CNOT4: variants seen among roughly 807,000 people sequenced by gnomAD.
CNOT4 encodes CCR4-associated factor 4.
In CNOT4, 8 loss-of-function variants were observed where a neutral mutation model predicts 73.8. The ratio of observed to expected loss-of-function variants is 0.11; its 90% CI spans 0.06 to 0.20. CNOT4 has a LOEUF of 0.20. Among genes scored for constraint, CNOT4 ranks in the 10% least tolerant of loss-of-function variants. The pLI is 1.00. For synonymous variants in CNOT4, 293 were observed against 321.1 expected (o/e 0.91, Z 0.94); for missense variants, 564 against 883.4 (o/e 0.64, Z 4.58).
chr7:135,474,276 ATTT>A lies in CNOT4; in HGVS notation c.-93+35610_-93+35612del, dbSNP rs869203152. ...TACAGGCATGAGCCACTGTGCCCAA[ATTT>A]TTTTTTTTTTTTTTTTTTTTTTTGA... On this transcript the variant is annotated intron_variant, in intron 1 of 11. Transcript: ENST00000541284. 1.0e-4 allele frequency among the ~76,000 whole-genome samples: 9 copies of A among 87,998 alleles called. No individual in the cohort carries two copies. In the East Asian group the frequency reaches 1.7e-3, roughly 17 times the overall value. 57.7% of individuals were successfully genotyped at this position (87,998 alleles called of 152,430 possible). A position where few individuals can be genotyped will look rare whatever the true frequency, so the allele number is the denominator to read the frequency against.
At chr7:135,485,700 A>G (rs2696888) in intron 1 of CNOT4, among the ~76,000 whole-genome samples, 95,405 of 152,098 alleles carry the variant, frequency 0.63, 30,150 homozygotes, top group East Asian at 0.76. Flanking sequence ...CCATGGATGG[A>G]GAAGGGAAGG....
intron 1 of CNOT4, among the ~76,000 whole-genome samples, chr7:135,486,596 T>C (rs1318161336): frequency 1.3e-5 from 2 of 152,260 alleles, no homozygotes; most frequent in Non-Finnish European, 2.9e-5. Context: ...TATGAAAACA[T>C]GTACACAAAT....
rs772372598 is a variant in CNOT4, at chr7:135,394,218, T to C, written c.1327A>G (p.Thr443Ala). 1.2e-6 allele frequency: 2 copies of C among 1,614,092 alleles called. No individual in the cohort carries two copies. Among genetic ancestry groups the C allele is most frequent in the South Asian group, 2.2e-5 (2 of 91,082 alleles). ...PTSLQNSSSH[T>A]TTAKGPGSGF... ...GAGCCTGGACCTTTGGCGGTTGTAG[T>C]GTGTGAAGAGGAGTTCTGAAGAGAT... The change falls in exon 10 of 12, where the codon ACT becomes GCT. Residue 443 changes from threonine (T) to alanine (A), a missense_variant. Thr to Ala is a moderately conservative substitution (Grantham distance 58, BLOSUM62 0). This residue lies in a region of CNOT4 where 153 missense variants were observed against 158.7 expected (regional missense o/e 0.96). Coordinates refer to ENST00000541284, the MANE Select transcript of CNOT4 (RefSeq NM_001190850.2).
intron 10 of CNOT4, chr7:135,386,568 C>T (rs59305849): frequency 1.6e-4 from 25 of 152,170 alleles, no homozygotes; most frequent in African/African-American, 5.3e-4. Flanking sequence ...GATTTTAAAG[C>T]TTCAGGTTTT....
chr7:135,439,933 C>A (rs938275641), intron 1 of CNOT4, among the ~76,000 whole-genome samples: 1 of 149,766 alleles, frequency 6.7e-6, no homozygotes, highest in Non-Finnish European at 1.5e-5. Context: ...TCTAATACTG[C>A]AATTTTAAAA....
At chr7:135,392,301 T>G (rs1311198327) in intron 10 of CNOT4, among the ~76,000 whole-genome samples, 2 of 152,144 alleles carry the variant, frequency 1.3e-5, no homozygotes, top group Non-Finnish European at 2.9e-5. Context: ...TATCTTAAAC[T>G]TCTTTAATAT....
chr7:135,453,826 T>TTATTTA (rs1554438703), intron 1 of CNOT4, among the ~76,000 whole-genome samples: 1 of 89,902 alleles, frequency 1.1e-5, no homozygotes, highest in Non-Finnish European at 2.3e-5. Context: ...TATATATATT[T>TTATTTA]TATATATATA....
At chr7:135,500,979 A>C (rs1803922265) in intron 1 of CNOT4, among the ~76,000 whole-genome samples, 1 of 147,912 alleles carries the variant, frequency 6.8e-6, no homozygotes, top group Admixed American at 6.7e-5. Context: ...ATTTTCTACT[A>C]AACCTTTTTT....
chr7:135,464,024 C>CAAAAAAAAAAAAAAA (rs747402254), intron 1 of CNOT4, among the ~76,000 whole-genome samples: 2 of 109,636 alleles, frequency 1.8e-5, no homozygotes, highest in South Asian at 3.1e-4. Flanking sequence ...ATTAAAAAGT[C>CAAAAAAAAAAAAAAA]AAAAAAAAAA....
rs369097634 is a variant in CNOT4 at position 135,413,432 on chromosome 7, TA to T, written c.687+55del. ...TTTTTGCTTTTGCAATGTTAACTAA[TA>T]AAAAAAAAAGTACTCCCTTTTCTGC... On this transcript the variant is annotated intron_variant, in intron 6 of 11. Transcript: ENST00000541284. 4.5e-3 allele frequency: 6,095 copies of T among 1,344,038 alleles called. 1 individual carries two copies. Among genetic ancestry groups the T allele is most frequent in the East Asian group, 8.7e-3 (327 of 37,576 alleles). 83.3% of individuals were successfully genotyped at this position (1,344,038 alleles called of 1,614,324 possible).
At chr7:135,469,318 T>A (rs1801426221) in intron 1 of CNOT4, among the ~76,000 whole-genome samples, 1 of 152,190 alleles carries the variant, frequency 6.6e-6, no homozygotes, top group Non-Finnish European at 1.5e-5. Flanking sequence ...ATATTTAGTA[T>A]TTAAATATTT....
chr7:135,421,329 T>C (rs1798182254), intron 3 of CNOT4, among the ~76,000 whole-genome samples: 1 of 152,180 alleles, frequency 6.6e-6, no homozygotes, highest in Admixed American at 6.5e-5. Flanking sequence ...TGCCAAGTAT[T>C]ACTTTAAATT....
intron 1 of CNOT4, among the ~76,000 whole-genome samples, chr7:135,505,602 A>T (rs1804318352): frequency 6.6e-6 from 1 of 152,206 alleles, no homozygotes; most frequent in Admixed American, 6.5e-5. Context: ...ACCTGTTAAG[A>T]TGAAAAATAA....
intron 2 of CNOT4, among the ~76,000 whole-genome samples, chr7:135,430,782 G>C (rs1399847101): frequency 1.3e-5 from 2 of 152,040 alleles, no homozygotes; most frequent in Admixed American, 6.6e-5. Context: ...AGCAAATTAG[G>C]AATAAAGGAA....
intron 7 of CNOT4, among the ~76,000 whole-genome samples, chr7:135,406,837 G>A (rs1797316348): frequency 6.6e-6 from 1 of 151,856 alleles, no homozygotes; most frequent in Non-Finnish European, 1.5e-5. Flanking sequence ...TGGACTACCT[G>A]ACTATACTTT....
intron 3 of CNOT4, among the ~76,000 whole-genome samples, chr7:135,419,184 C>A (rs1281016546): frequency 2.6e-5 from 4 of 152,062 alleles, no homozygotes; most frequent in Non-Finnish European, 4.4e-5. Context: ...ATTTGACAAT[C>A]AATCTTGGTA....
chr7:135,499,501 C>A (rs1803821584), intron 1 of CNOT4, among the ~76,000 whole-genome samples: 1 of 152,026 alleles, frequency 6.6e-6, no homozygotes, highest in Non-Finnish European at 1.5e-5. Flanking sequence ...AAAACATAAA[C>A]TATTAATAAT....
Position 135,394,070 on chromosome 7 carries a change from G to C in CNOT4, c.1475C>G (p.Pro492Arg). 1 of 1,614,180 alleles carries C rather than the reference G, an allele frequency of 6.2e-7. No homozygotes were observed. Among genetic ancestry groups the C allele is most frequent in the Non-Finnish European group, 8.5e-7 (1 of 1,180,032 alleles). ...CCAAGGATAGCGGGCTGCCTGGCCT[G>C]GAAAACTGAATGAATTATAAACCGC... is the stretch of plus-strand genomic sequence containing the variant. ...HRAVYNSFSF[P>R]GQAARYPWMA... is the part of the protein sequence containing the mutation. The change falls in exon 10 of 12, where the codon CCA becomes CGA. Residue 492 changes from proline (P) to arginine (R), a missense_variant. By Grantham distance (103) the Pro-to-Arg change is moderately radical. Coordinates refer to ENST00000541284, the MANE Select transcript of CNOT4 (RefSeq NM_001190850.2).
chr7:135,381,605 G>A (rs536565087), intron 10 of CNOT4, among the ~76,000 whole-genome samples: 1 of 152,234 alleles, frequency 6.6e-6, no homozygotes, highest in African/African-American at 2.4e-5. Context: ...TCAGCCTACT[G>A]GGTAAAACAC....
Sources: allele counts gnomAD v4.1 joint callset (sites outside exome capture counted in the v4.1 genomes callset), GRCh38; gene constraint gnomAD v4.1.1; regional missense constraint gnomAD v4.1.1; transcripts MANE v1.5; gene names NCBI Gene and HGNC (gene_info 2026-07-23, HGNC 2026-07-21).